Variants in PCDHA1 observed in about 807,000 individuals in gnomAD.
PCDHA1 encodes the protein protocadherin alpha 1, also known as protocadherin alpha-1.
A neutral mutation model predicts 61.3 loss-of-function variants in PCDHA1; 42 were observed. That is an observed-to-expected ratio of 0.69 (90% CI 0.54 to 0.89). The LOEUF (loss-of-function observed/expected upper bound fraction) is 0.89, where lower values mean the gene tolerates loss of function less well. PCDHA1 is among the 40% of genes least tolerant of loss of function. PCDHA1 has a pLI of 0.00. For synonymous variants in PCDHA1, 610 were observed against 553.8 expected, an observed-to-expected ratio of 1.10 and a Z score of -1.43; for missense variants, 1,256 against 1,235.3, an observed-to-expected ratio of 1.02 and a Z score of -0.25.
chr5:140,869,600 C>T lies in PCDHA1; in HGVS notation c.2394+80916C>T, dbSNP rs782754801. The stretch of plus-strand genomic sequence containing the variant: ...TCTGATGCTGACATTGAAGAGAATG[C>T]TCTATTGACCTACAGGCTAAGTAAA... On this transcript the variant is annotated intron_variant, in intron 1 of 3. Transcript: ENST00000504120. 1.9e-6 allele frequency: 3 copies of T among 1,613,922 alleles called. No homozygotes were observed. The African/African-American group carries it at 4.0e-5, about 22-fold the overall frequency.
At chr5:140,868,965 G>A (rs2050767308) in intron 1 of PCDHA1, 1 of 1,430,146 alleles carries the variant, frequency 7.0e-7, no homozygotes, top group Non-Finnish European at 9.4e-7. Flanking sequence ...CCATACAAAG[G>A]AACTCCATCA....
intron 3 of PCDHA1, among the ~76,000 whole-genome samples, chr5:141,001,813 G>A (rs782384459): frequency 2.6e-5 from 4 of 152,172 alleles, no homozygotes; most frequent in Non-Finnish European, 4.4e-5. Flanking sequence ...TCTACAATCG[G>A]CCAAATTCTG....
At position 140,787,974 on chromosome 5, in the gene PCDHA1, G is replaced by A. The variant is rs782273016; in HGVS notation, c.1684G>A (p.Ala562Thr). ...QVFVLDENDNAPALLAPRVGG... is the reference protein window; with the variant it reads ...QVFVLDENDNTPALLAPRVGG... ...GTTCGTGCTGGACGAGAACGACAAC[G>A]CGCCGGCGCTGCTGGCGCCTCGAGT... The change falls in exon 1 of 4, where the codon GCG becomes ACG. Residue 562 changes from alanine to threonine, a missense_variant. Transcript: ENST00000504120. 4.3e-6 allele frequency: 7 copies of A among 1,613,976 alleles called. No individual in the cohort carries two copies. The highest frequency in any genetic ancestry group is 4.5e-5 in the East Asian group (2 of 44,880).
chr5:140,966,765 C>G (rs2096051420), intron 1 of PCDHA1: 7 of 1,482,914 alleles, frequency 4.7e-6, no homozygotes, highest in Non-Finnish European at 6.3e-6. Context: ...CGGCCAGTGG[C>G]TATGGAGCAG....
At chr5:140,893,616 G>C (rs1431019657) in intron 1 of PCDHA1, among the ~76,000 whole-genome samples, 3 of 152,188 alleles carry the variant, frequency 2.0e-5, no homozygotes, top group African/African-American at 7.2e-5. Context: ...CATTTCTGAA[G>C]TATAGCTCTG....
rs1762033987 is a variant in PCDHA1 at position 140,796,095 on chromosome 5, C to G, written c.2394+7411C>G. On this transcript the variant is annotated intron_variant, in intron 1 of 3. Transcript: ENST00000504120. ...TTGCTCTCATCACGGTGTCGGATCG[C>G]GACTCTGGTACGAATGGACATGTCA... 6.2e-6 allele frequency: 10 copies of G among 1,614,182 alleles called. No individual in the cohort carries two copies. In the East Asian group the frequency reaches 2.0e-4, roughly 32 times the overall value.
At chr5:140,914,414 C>A (rs1554196336) in intron 1 of PCDHA1, among the ~76,000 whole-genome samples, 1 of 152,038 alleles carries the variant, frequency 6.6e-6, no homozygotes, top group African/African-American at 2.4e-5. Context: ...GTTTTGTTTC[C>A]ATTAGCAAGG....
At chr5:140,941,202 C>CTTTTCTTTCTTCCTTTCTTT (rs1554213921) in intron 1 of PCDHA1, among the ~76,000 whole-genome samples, 1 of 122,742 alleles carries the variant, frequency 8.1e-6, no homozygotes, top group Non-Finnish European at 1.8e-5. Flanking sequence ...TTTCTTTCTT[C>CTTTTCTTTCTTCCTTTCTTT]CTTTCTTTCT....
intron 1 of PCDHA1, chr5:140,823,513 G>A (rs1767741657): frequency 6.2e-7 from 1 of 1,613,474 alleles, no homozygotes; most frequent in African/African-American, 1.3e-5. Context: ...GAGCGAGCTG[G>A]TGCCGAGGTC....
chr5:140,920,054 C>A (rs1332238212), intron 1 of PCDHA1, among the ~76,000 whole-genome samples: 1 of 152,150 alleles, frequency 6.6e-6, no homozygotes, highest in Non-Finnish European at 1.5e-5. Context: ...CAGCCACCAA[C>A]ACCTGGAAAA....
rs1371953272 is a variant in PCDHA1 at position 140,844,555 on chromosome 5, A to G, written c.2394+55871A>G. ...ATTCAACCCTTTGTTCATGAGTTGGAATATTTTCAATAATATTCCACATTA... is the reference window on the plus strand; with the variant it reads ...ATTCAACCCTTTGTTCATGAGTTGGGATATTTTCAATAATATTCCACATTA... On this transcript the variant is annotated intron_variant, in intron 1 of 3. Transcript: ENST00000504120. Among the ~76,000 whole-genome samples the G allele has an allele frequency of 6.7e-5, 10 of 149,520 alleles. 1 individual carries two copies. The Admixed American group carries it at 6.7e-4, about 10-fold the overall frequency.
Position 141,009,908 on chromosome 5 carries a change from A to G in PCDHA1, c.2824A>G (p.Asn942Asp), listed in dbSNP as rs1295693430. The G allele has an allele frequency of 6.2e-7, 1 of 1,612,848 alleles. No individual in the cohort carries two copies. Among genetic ancestry groups the G allele is most frequent in the Non-Finnish European group, 8.5e-7 (1 of 1,179,798 alleles). Residue 942 changes from asparagine to aspartate, a missense_variant, in exon 4 of 4, where the codon AAC (asparagine) becomes GAC (aspartate). By Grantham distance (23) the Asn-to-Asp change is conservative (BLOSUM62 1). Transcript: ENST00000504120. Reference sequence around the variant, plus strand: ...GACCCAGGAGAAAAAAGAGAAAGGGAACAGCACGACTGACAACAGTGACCA... The same window carrying G: ...GACCCAGGAGAAAAAAGAGAAAGGGGACAGCACGACTGACAACAGTGACCA... ...NKTQEKKEKG[N>D]STTDNSDQ
chr5:140,787,305 A>G lies in PCDHA1; in HGVS notation c.1015A>G (p.Lys339Glu), dbSNP rs1554117761. Reference sequence around the variant, plus strand: ...GTCAAATCACTGTAAGGTTTTGGTGAAAGTGCTGGATGTAAATGATAATGC... The same window carrying G: ...GTCAAATCACTGTAAGGTTTTGGTGGAAGTGCTGGATGTAAATGATAATGC... Reference protein sequence around the residue: ...PMSNHCKVLVKVLDVNDNAPE... With the variant: ...PMSNHCKVLVEVLDVNDNAPE... Residue 339 changes from lysine (K) to glutamate (E), a missense_variant, in exon 1 of 4, where the codon AAA (lysine) becomes GAA (glutamate). Transcript: ENST00000504120. The G allele has an allele frequency of 6.2e-7, 1 of 1,614,174 alleles. No homozygotes were observed. The highest frequency in any genetic ancestry group is 1.7e-5 in the Admixed American group (1 of 60,020).
intron 1 of PCDHA1, among the ~76,000 whole-genome samples, chr5:140,839,385 TG>T (rs1562376337): frequency 1.3e-5 from 2 of 151,834 alleles, no homozygotes; most frequent in South Asian, 2.1e-4. Context: ...ATTATTATGA[TG>T]ATGATGATGA....
chr5:140,843,293 G>T, intron 1 of PCDHA1: 1 of 1,595,972 alleles, frequency 6.3e-7, no homozygotes, highest in East Asian at 2.2e-5. Context: ...TGGTGAACCT[G>T]CGCTGACCGC....
chr5:140,874,607 T>C (rs534439802), intron 1 of PCDHA1, among the ~76,000 whole-genome samples: 1 of 152,226 alleles, frequency 6.6e-6, no homozygotes, highest in Non-Finnish European at 1.5e-5. Context: ...TTTGGAGGCT[T>C]CAACTAAACA....
rs568789486 is a variant in PCDHA1 at position 140,896,494 on chromosome 5, C to G, written c.2395-82455C>G. 6.6e-5 allele frequency among the ~76,000 whole-genome samples: 10 copies of G among 151,966 alleles called. No individual in the cohort carries two copies. In the East Asian group the frequency reaches 1.9e-3, roughly 29 times the overall value. On this transcript the variant is annotated intron_variant, in intron 1 of 3. Coordinates refer to ENST00000504120, the MANE Select transcript of PCDHA1 (RefSeq NM_018900.4). The stretch of plus-strand genomic sequence containing the variant: ...TCTCCTGCCTCAGCCTCCTGAGTAG[C>G]TGGGACTGTGCAGGCACACACCACA...
chr5:140,815,149 G>A (rs2126662036), intron 1 of PCDHA1: 1 of 152,118 alleles, frequency 6.6e-6, no homozygotes, highest in South Asian at 2.1e-4. Flanking sequence ...CAACCACTTT[G>A]TATCTTTTGA....
intron 1 of PCDHA1, chr5:140,884,803 C>A: frequency 1.6e-6 from 2 of 1,225,132 alleles, no homozygotes; most frequent in Non-Finnish European, 2.2e-6. Context: ...AATTTAACAA[C>A]TCTGCTGTGG....
Sources: gnomAD v4.1 joint callset for allele counts (sites outside exome capture counted in the v4.1 genomes callset) on GRCh38, gnomAD v4.1.1 for gene constraint, MANE v1.5 for transcripts, NCBI Gene and HGNC (gene_info 2026-07-23, HGNC 2026-07-21) for gene names.